Variants in FAM13A observed in about 807,000 individuals in gnomAD.
FAM13A encodes family with sequence similarity 13 member A, also known as protein FAM13A.
Under a neutral mutation model 129.6 loss-of-function variants are expected in FAM13A, and 76 were observed. The ratio of observed to expected loss-of-function variants is 0.59; its 90% CI spans 0.49 to 0.71. The LOEUF (loss-of-function observed/expected upper bound fraction) is 0.71, where lower values mean the gene tolerates loss of function less well. Ranked by LOEUF, FAM13A falls within the 30% of genes least tolerant of loss-of-function variation. The probability of loss-of-function intolerance (pLI) is 0.00; values close to 1 mark genes in which losing one functional copy is unlikely to be tolerated. For synonymous variants in FAM13A, 443 were observed against 449.9 expected (o/e 0.98, Z 0.20); for missense variants, 1,108 against 1,249.3 (o/e 0.89, Z 1.70).
chr4:88,781,907 G>A (rs577363613), intron 10 of FAM13A, among the ~76,000 whole-genome samples: 1 of 151,076 alleles, frequency 6.6e-6, no homozygotes, highest in African/African-American at 2.4e-5. Context: ...GAGTTAATGG[G>A]TGCAGCACAC....
intron 6 of FAM13A, among the ~76,000 whole-genome samples, chr4:88,879,718 A>T (rs896672418): frequency 6.6e-6 from 1 of 152,180 alleles, no homozygotes; most frequent in Non-Finnish European, 1.5e-5. Context: ...GGTCCTACAG[A>T]ACTCTTTCCT....
chr4:88,746,096 ATAG>A (rs1450008659), intron 19 of FAM13A, among the ~76,000 whole-genome samples: 1 of 152,198 alleles, frequency 6.6e-6, no homozygotes, highest in East Asian at 1.9e-4. Context: ...AGACTATCAT[ATAG>A]TCATGGCCAA....
At chr4:88,955,872 T>C (rs1374566291) in intron 4 of FAM13A, among the ~76,000 whole-genome samples, 2 of 152,106 alleles carry the variant, frequency 1.3e-5, no homozygotes, top group Non-Finnish European at 2.9e-5. Flanking sequence ...TTTGGGAAAT[T>C]TGCAGCCTGA....
intron 4 of FAM13A, among the ~76,000 whole-genome samples, chr4:88,976,128 T>G (rs770451190): frequency 9.2e-5 from 14 of 152,190 alleles, no homozygotes; most frequent in Non-Finnish European, 1.2e-4. Context: ...CGGTTTCATT[T>G]TTAAAAATAG....
chr4:89,040,647 T>C (rs1481507734), intron 1 of FAM13A, among the ~76,000 whole-genome samples: 1 of 152,200 alleles, frequency 6.6e-6, no homozygotes, highest in Non-Finnish European at 1.5e-5. Flanking sequence ...TCACTGGGAA[T>C]GTCAGCCTTT....
At chr4:88,984,146 C>T (rs150503800) in intron 4 of FAM13A, among the ~76,000 whole-genome samples, 28 of 152,246 alleles carry the variant, frequency 1.8e-4, no homozygotes, top group African/African-American at 6.5e-4. Flanking sequence ...CAAAAGTTAA[C>T]TCCAAAATAG....
intron 1 of FAM13A, among the ~76,000 whole-genome samples, chr4:89,052,572 G>C (rs536720321): frequency 5.3e-5 from 8 of 150,554 alleles, no homozygotes; most frequent in Non-Finnish European, 1.2e-4. Context: ...CCTGGGATGA[G>C]AGTAATAGCT....
At chr4:88,879,560 C>A (rs988014452) in intron 6 of FAM13A, among the ~76,000 whole-genome samples, 8 of 151,920 alleles carry the variant, frequency 5.3e-5, no homozygotes, top group African/African-American at 1.7e-4. Flanking sequence ...GCCATCCTTC[C>A]TTCTAGGCAC....
At chr4:89,042,543 T>C (rs1036336218) in intron 1 of FAM13A, among the ~76,000 whole-genome samples, 1 of 152,214 alleles carries the variant, frequency 6.6e-6, no homozygotes, top group Non-Finnish European at 1.5e-5. Flanking sequence ...GGGTTATTTA[T>C]GTGCATTGTA....
intron 10 of FAM13A, among the ~76,000 whole-genome samples, chr4:88,786,969 T>C (rs1052185404): frequency 7.9e-5 from 12 of 152,062 alleles, no homozygotes; most frequent in Admixed American, 6.6e-5. Context: ...GGAGTCATTA[T>C]TAAACCATAA....
chr4:88,972,657 G>A (rs564405456), intron 4 of FAM13A, among the ~76,000 whole-genome samples: 5 of 151,770 alleles, frequency 3.3e-5, no homozygotes, highest in Non-Finnish European at 7.4e-5. Context: ...GCCTAGGCTG[G>A]AGTGCAGTGG....
intron 7 of FAM13A, among the ~76,000 whole-genome samples, chr4:88,843,082 T>C (rs891506342): frequency 6.6e-6 from 1 of 152,248 alleles, no homozygotes; most frequent in East Asian, 1.9e-4. Flanking sequence ...CGGTCAAGAA[T>C]AAATTACAAA....
At chr4:88,938,337 T>C (rs1579375164) in intron 4 of FAM13A, 96 bp from the exon 5 acceptor site, 1 of 900,470 alleles carries the variant, frequency 1.1e-6, no homozygotes, top group East Asian at 2.6e-5. Flanking sequence ...CCTGAATAAT[T>C]AGCCTTATAG....
intron 7 of FAM13A, among the ~76,000 whole-genome samples, chr4:88,837,469 A>G (rs1227852708): frequency 1.3e-5 from 2 of 150,766 alleles, no homozygotes; most frequent in African/African-American, 2.4e-5. Context: ...TAATCCCACC[A>G]CTTTGGGAGG....
intron 4 of FAM13A, among the ~76,000 whole-genome samples, chr4:88,981,359 G>A (rs1344972251): frequency 6.6e-6 from 1 of 152,156 alleles, no homozygotes; most frequent in Admixed American, 6.5e-5. Flanking sequence ...GCTTTGGTCC[G>A]TGCATCAATA....
At chr4:88,924,929 A>G (rs2148738825) in intron 5 of FAM13A, among the ~76,000 whole-genome samples, 1 of 151,962 alleles carries the variant, frequency 6.6e-6, no homozygotes, top group Admixed American at 6.6e-5. Flanking sequence ...GAAGACATTT[A>G]TGCAGCCAAA....
Position 88,726,635 on chromosome 4 carries a change from T to C in FAM13A, c.*1898A>G, listed in dbSNP as rs925496534. Reference sequence around the variant, plus strand: ...GCTATTAAAGGACAGACTAGACATGTATTTTTAAAAAAACACAATTTTTGG... The same window carrying C: ...GCTATTAAAGGACAGACTAGACATGCATTTTTAAAAAAACACAATTTTTGG... On this transcript the variant is annotated 3_prime_UTR_variant, in exon 24 of 24. Coordinates refer to ENST00000264344, the MANE Select transcript of FAM13A (RefSeq NM_014883.4). 3 of 134,628 alleles carry C rather than the reference T, an allele frequency of 2.2e-5. No individual in the cohort carries two copies. The highest frequency in any genetic ancestry group is 9.0e-5 in the African/African-American group (3 of 33,408). 8.3% of individuals were successfully genotyped at this position (134,628 alleles called of 1,614,324 possible). A position where few individuals can be genotyped will look rare whatever the true frequency, so the allele number is the denominator to read the frequency against.
At chr4:89,025,650 G>A (rs1767880688) in intron 2 of FAM13A, among the ~76,000 whole-genome samples, 1 of 152,174 alleles carries the variant, frequency 6.6e-6, no homozygotes, top group Admixed American at 6.5e-5. Flanking sequence ...ATATATACAT[G>A]TGGTAGAACG....
chr4:88,892,350 T>G (rs566402532), intron 6 of FAM13A, among the ~76,000 whole-genome samples: 2 of 152,098 alleles, frequency 1.3e-5, no homozygotes, highest in African/African-American at 4.8e-5. Context: ...TGGCTAATTT[T>G]TTGTATTTTT....
Sources: gnomAD v4.1 joint callset for allele counts (sites outside exome capture counted in the v4.1 genomes callset) on GRCh38, gnomAD v4.1.1 for gene constraint, MANE v1.5 for transcripts, NCBI Gene and HGNC (gene_info 2026-07-23, HGNC 2026-07-21) for gene names.